The following TSPAN14 variants were observed in gnomAD, a reference collection of about 807,000 sequenced individuals.
The protein encoded by TSPAN14 is tetraspanin-14.
In TSPAN14, 16 loss-of-function variants were observed where a neutral mutation model predicts 36.6. The observed-to-expected ratio is 0.44, with a 90% CI of 0.30 to 0.66. The LOEUF is 0.66. Ranked by LOEUF, TSPAN14 falls within the 30% of genes least tolerant of loss-of-function variation. The probability of loss-of-function intolerance (pLI) is 0.12; values close to 1 mark genes in which losing one functional copy is unlikely to be tolerated. For missense variants in TSPAN14, 231 were observed against 355.1 expected, an observed-to-expected ratio of 0.65 and a Z score of 2.81; for synonymous variants, 139 against 143.8, an observed-to-expected ratio of 0.97 and a Z score of 0.24.
At chr10:80,521,208 G>A (rs1387668711) in exon 9 of TSPAN14, 1 of 182,820 alleles carries the variant, frequency 5.5e-6, no homozygotes, top group Non-Finnish European at 1.2e-5. Flanking sequence ...AGTCTCATCA[G>A]GGAACCCACC....
intron 5 of TSPAN14, 36 bp from the exon 6 acceptor site, chr10:80,512,108 T>G (rs1840688322): frequency 6.2e-7 from 1 of 1,613,688 alleles, no homozygotes; most frequent in African/African-American, 1.3e-5. Flanking sequence ...GGCCCTGTCT[T>G]GGAGCCCCTA....
intron 1 of TSPAN14, among the ~76,000 whole-genome samples, chr10:80,476,250 G>A (rs996932850): frequency 6.6e-6 from 1 of 151,760 alleles, no homozygotes; most frequent in Non-Finnish European, 1.5e-5. Flanking sequence ...ACACACTCCT[G>A]TAGTCCCAGC....
At chr10:80,476,415 T>TG (rs1846898302) in intron 1 of TSPAN14, among the ~76,000 whole-genome samples, 1 of 122,138 alleles carries the variant, frequency 8.2e-6, no homozygotes, top group Non-Finnish European at 1.7e-5. Context: ...TACTGTTTTT[T>TG]TTTTTTTTTT....
intron 7 of TSPAN14, among the ~76,000 whole-genome samples, chr10:80,514,511 T>C (rs1488001704): frequency 1.3e-5 from 2 of 151,948 alleles, no homozygotes. Context: ...CTCCAGGACT[T>C]CCTTTAGGCT....
At chr10:80,466,789 G>T (rs1846274238) in intron 1 of TSPAN14, among the ~76,000 whole-genome samples, 1 of 152,218 alleles carries the variant, frequency 6.6e-6, no homozygotes, top group South Asian at 2.1e-4. Context: ...TGAGGCCGTT[G>T]GATTACGGTT....
At chr10:80,515,994 G>T (rs1265755910) in intron 7 of TSPAN14, 1 of 640,338 alleles carries the variant, frequency 1.6e-6, no homozygotes, top group African/African-American at 1.8e-5. Context: ...GGAGCCTTTG[G>T]TCAGACAGGT....
At chr10:80,512,384 T>A (rs1458699442) in intron 6 of TSPAN14, 115 bp downstream of exon 6, 1 of 1,439,708 alleles carries the variant, frequency 6.9e-7, no homozygotes, top group African/African-American at 1.4e-5. Context: ...GAGGAGCAGG[T>A]GTGCTTTCTC....
At chr10:80,492,517 C>G (rs1395660113) in intron 2 of TSPAN14, among the ~76,000 whole-genome samples, 1 of 152,134 alleles carries the variant, frequency 6.6e-6, no homozygotes, top group African/African-American at 2.4e-5. Context: ...TTTGCCCTCA[C>G]TTAGAATTAT....
At chr10:80,513,966 G>C (rs2132063049) in intron 6 of TSPAN14, 53 bp from the exon 7 acceptor site, 1 of 1,558,080 alleles carries the variant, frequency 6.4e-7, no homozygotes, top group Non-Finnish European at 8.8e-7. Flanking sequence ...GAGCCTCTTA[G>C]CACCAGCTTC....
At chr10:80,508,271 A>G (rs1840413551) in intron 4 of TSPAN14, among the ~76,000 whole-genome samples, 2 of 151,988 alleles carry the variant, frequency 1.3e-5, no homozygotes, top group South Asian at 4.1e-4. Flanking sequence ...GCCCGCTACC[A>G]TGCCTGGCTA....
intron 3 of TSPAN14, among the ~76,000 whole-genome samples, chr10:80,505,559 C>A (rs1366419505): frequency 6.6e-6 from 1 of 152,220 alleles, no homozygotes; most frequent in Non-Finnish European, 1.5e-5. Context: ...TTGCTTCCAG[C>A]AGGAGGAGGC....
chr10:80,493,945 C>T (rs7900536), intron 2 of TSPAN14, among the ~76,000 whole-genome samples: 3 of 152,128 alleles, frequency 2.0e-5, no homozygotes, highest in Non-Finnish European at 2.9e-5. Context: ...GGGATGATTC[C>T]GATAATGTCT....
exon 9 of TSPAN14, chr10:80,519,359 C>T (rs1841125159): frequency 6.5e-6 from 1 of 152,678 alleles, no homozygotes; most frequent in Non-Finnish European, 1.5e-5. Context: ...AATAACTCCC[C>T]TGGGGATAGC....
At chr10:80,465,650 G>A (rs1697794396) in intron 1 of TSPAN14, among the ~76,000 whole-genome samples, 1 of 152,232 alleles carries the variant, frequency 6.6e-6, no homozygotes, top group Admixed American at 6.5e-5. Context: ...GGTCTCACCT[G>A]TTTTGGGCCA....
intron 1 of TSPAN14, among the ~76,000 whole-genome samples, chr10:80,454,857 G>A (rs1426652636): frequency 1.3e-5 from 2 of 152,102 alleles, no homozygotes; most frequent in Non-Finnish European, 2.9e-5. Flanking sequence ...GTGGGGGTGG[G>A]CGTAGGCCGG....
chr10:80,520,810 T>G (rs754865372), exon 9 of TSPAN14: 10 of 533,346 alleles, frequency 1.9e-5, no homozygotes, highest in East Asian at 1.6e-4. Context: ...AACTCTGGCC[T>G]TCTTCAGCCT....
chr10:80,507,323 G>T, exon 4 of TSPAN14: 1 of 1,614,224 alleles, frequency 6.2e-7, no homozygotes, highest in Middle Eastern at 1.6e-4. Flanking sequence ...TCACCCTGGG[G>T]TTCGCCGGCT....
chr10:80,493,779 A>T (rs1848045975), intron 2 of TSPAN14, among the ~76,000 whole-genome samples: 1 of 152,220 alleles, frequency 6.6e-6, no homozygotes, highest in South Asian at 2.1e-4. Context: ...GTTAGTGGGT[A>T]CAGAAGATCT....
chr10:80,491,245 G>A (rs1401172489), intron 2 of TSPAN14, among the ~76,000 whole-genome samples: 1 of 152,188 alleles, frequency 6.6e-6, no homozygotes, highest in African/African-American at 2.4e-5. Flanking sequence ...GATATTTGAT[G>A]TGGTGCCTCT....
Sources: gnomAD v4.1 joint callset for allele counts (sites outside exome capture counted in the v4.1 genomes callset) on GRCh38, gnomAD v4.1.1 for gene constraint, MANE v1.5 for transcripts, NCBI Gene and HGNC (gene_info 2026-07-23, HGNC 2026-07-21) for gene names.